HGSNAT: variants seen among roughly 807,000 people sequenced by gnomAD.
HGSNAT encodes transmembrane protein 76.
In HGSNAT, 59 loss-of-function variants were observed where a neutral mutation model predicts 85.2. The observed-to-expected ratio is 0.69, with a 90% confidence interval of 0.56 to 0.86. The LOEUF is 0.86. HGSNAT is among the 40% of genes least tolerant of loss of function. HGSNAT has a pLI of 0.00. For synonymous variants in HGSNAT, 321 were observed against 304.5 expected (o/e 1.05, Z -0.56); for missense variants, 756 against 777.1 (o/e 0.97, Z 0.32).
intron 8 of HGSNAT, among the ~76,000 whole-genome samples, chr8:43,173,224 A>G (rs1226384272): frequency 6.6e-6 from 1 of 152,122 alleles, no homozygotes; most frequent in Non-Finnish European, 1.5e-5. Flanking sequence ...TCCTGGGCTC[A>G]AGCGATCCTC....
chr8:43,187,351 G>T (rs978981766), intron 11 of HGSNAT, among the ~76,000 whole-genome samples: 15 of 152,192 alleles, frequency 9.9e-5, no homozygotes, highest in African/African-American at 3.6e-4. Flanking sequence ...ATATATTTAG[G>T]ATAGTTAGCT....
At chr8:43,189,720 G>A (rs759786678) in intron 11 of HGSNAT, among the ~76,000 whole-genome samples, 1 of 152,168 alleles carries the variant, frequency 6.6e-6, no homozygotes. Context: ...TACTGGAGCT[G>A]TTCCTATTCG....
At position 43,173,733 on chromosome 8, in the gene HGSNAT, G is replaced by C. The variant is rs1287447019; in HGVS notation, c.841G>C (p.Val281Leu). The change falls in exon 9 of 18, where the codon GTG becomes CTG. Residue 281 changes from valine (V) to leucine (L), a missense_variant. Physicochemically the swap from Val to Leu is conservative, Grantham distance 32 (BLOSUM62 1). Coordinates refer to ENST00000379644, the MANE Select transcript of HGSNAT (RefSeq NM_152419.3). ...TGCAGGGCTGACAGTGGCTGACCTC[G>C]TGTTCCCGTGGTGAGTTGCCGGTCT... Reference protein sequence around the residue: ...SWNGLTVADLVFPWFVFIMGS... With the variant: ...SWNGLTVADLLFPWFVFIMGS... The C allele has an allele frequency of 6.2e-7, 1 of 1,612,796 alleles. No individual in the cohort carries two copies. Among genetic ancestry groups the C allele is most frequent in the Non-Finnish European group, 8.5e-7 (1 of 1,179,396 alleles).
chr8:43,147,079 C>T lies in HGSNAT; in HGVS notation c.234+16C>T, dbSNP rs761472873. 3.5e-6 allele frequency: 5 copies of T among 1,444,546 alleles called. No homozygotes were observed. In the East Asian group the frequency reaches 9.1e-5, roughly 26 times the overall value. The allele number at this position is 1,444,546 out of a possible 1,614,324, so 89.5% of individuals were successfully genotyped here. ...CTGTTATCACGTATGTATCAGTTCACACTCAGTTCTGTTTGCTTTGGGGCT... is the reference window on the plus strand; with the variant it reads ...CTGTTATCACGTATGTATCAGTTCATACTCAGTTCTGTTTGCTTTGGGGCT... On this transcript the variant is annotated intron_variant, in intron 2 of 17. Coordinates refer to ENST00000379644, the MANE Select transcript of HGSNAT (RefSeq NM_152419.3).
At chr8:43,191,378 A>G in intron 11 of HGSNAT, 96 bp from the exon 12 acceptor site, 1 of 1,483,078 alleles carries the variant, frequency 6.7e-7, no homozygotes, top group Non-Finnish European at 9.2e-7. Flanking sequence ...AAAAAGGCCA[A>G]GAAATGAGTC....
chr8:43,171,577 C>T (rs1346664887), intron 7 of HGSNAT, among the ~76,000 whole-genome samples: 1 of 152,164 alleles, frequency 6.6e-6, no homozygotes, highest in Non-Finnish European at 1.5e-5. Context: ...ATGGCAGGCA[C>T]TTGGGTTACA....
Position 43,159,188 on chromosome 8 carries a change from C to A in HGSNAT, c.493+144C>A, listed in dbSNP as rs1563361826. The A allele has an allele frequency of 9.8e-6, 6 of 615,080 alleles. No homozygotes were observed. The East Asian group carries it at 1.8e-4, about 18-fold the overall frequency. The allele number at this position is 615,080 out of a possible 1,614,324, so 38.1% of individuals were successfully genotyped here. A position where few individuals can be genotyped will look rare whatever the true frequency, so the allele number is the denominator to read the frequency against. ...AGGTCATTGATGAGCACCACTCCCC[C>A]CAAAAAATCCACATAAATTATAGGT... On this transcript the variant is annotated intron_variant, in intron 4 of 17. Coordinates refer to ENST00000379644, the MANE Select transcript of HGSNAT (RefSeq NM_152419.3).
chr8:43,140,688 C>G lies in HGSNAT; in HGVS notation c.118+74C>G, dbSNP rs1802490840. The G allele has an allele frequency of 1.7e-5, 12 of 716,996 alleles. No individual in the cohort carries two copies. The South Asian group carries it at 4.1e-4, about 25-fold the overall frequency. 44.4% of individuals were successfully genotyped at this position (716,996 alleles called of 1,614,324 possible). On this transcript the variant is annotated intron_variant, in intron 1 of 17. Transcript: ENST00000379644. ...CTCCTCTCCGCGGCGCCGCCCCTAT[C>G]TCCGTGCGCGGCGCCGAGCGCTAGG...
At chr8:43,174,418 T>C (rs1048522880) in intron 9 of HGSNAT, among the ~76,000 whole-genome samples, 11 of 152,136 alleles carry the variant, frequency 7.2e-5, no homozygotes, top group Non-Finnish European at 8.8e-5. Context: ...CTAATAAATA[T>C]GTAGGTGGGC....
At chr8:43,179,542 C>G (rs1449047763) in intron 10 of HGSNAT, among the ~76,000 whole-genome samples, 1 of 110,502 alleles carries the variant, frequency 9.0e-6, no homozygotes, top group East Asian at 2.8e-4. Flanking sequence ...CGACCCCCCC[C>G]ACCGCCTCCC....
At chr8:43,165,762 C>A (rs1382951719) in intron 5 of HGSNAT, among the ~76,000 whole-genome samples, 1 of 151,972 alleles carries the variant, frequency 6.6e-6, no homozygotes, top group African/African-American at 2.4e-5. Flanking sequence ...CATGGCAAAA[C>A]CCCATCTCTA....
At chr8:43,182,340 G>A in intron 11 of HGSNAT, 80 bp downstream of exon 11, 1 of 1,156,760 alleles carries the variant, frequency 8.6e-7, no homozygotes, top group Non-Finnish European at 1.3e-6. Flanking sequence ...GTCTCACTAT[G>A]TTGTCCAGAC....
chr8:43,151,551 ACTCATC>A (rs1802919568), intron 2 of HGSNAT, among the ~76,000 whole-genome samples: 1 of 152,250 alleles, frequency 6.6e-6, no homozygotes, highest in Non-Finnish European at 1.5e-5. Flanking sequence ...TTCACAAAAC[ACTCATC>A]ATATGTTAAG....
rs1482984274 is a variant in HGSNAT, at chr8:43,202,635, A to G, written c.*3066A>G. Reference sequence around the variant, plus strand: ...TTTTGCATTTATATTCCTAATTCCTACTTAAAGTGAATATACTGCCGCTGT... The same window carrying G: ...TTTTGCATTTATATTCCTAATTCCTGCTTAAAGTGAATATACTGCCGCTGT... On this transcript the variant is annotated 3_prime_UTR_variant, in exon 18 of 18. Transcript: ENST00000379644. 6.6e-6 allele frequency: 1 copy of G among 152,190 alleles called. No individual in the cohort carries two copies. Among genetic ancestry groups the G allele is most frequent in the Non-Finnish European group, 1.5e-5 (1 of 68,038 alleles). The allele number at this position is 152,190 out of a possible 1,614,324, so 9.4% of individuals were successfully genotyped here.
At chr8:43,168,423 G>T (rs1192041948) in intron 5 of HGSNAT, among the ~76,000 whole-genome samples, 2 of 106,856 alleles carry the variant, frequency 1.9e-5, no homozygotes, top group African/African-American at 7.4e-5. Flanking sequence ...ATGGAGTCTC[G>T]CTCTGTTGCC....
In HGSNAT at chr8:43,140,592, T is replaced by C; in HGVS notation, c.96T>C (p.Asp32=). Residue 32 remains aspartate, a synonymous_variant, in exon 1 of 18, where the codon GAT becomes GAC. Transcript: ENST00000379644. ...CCCCCGGCGGCTCTTCGGGGCGCGATGCCCAGGCCGCGCCGCCACGAGGTG... is the reference window on the plus strand; with the variant it reads ...CCCCCGGCGGCTCTTCGGGGCGCGACGCCCAGGCCGCGCCGCCACGAGGTG... ...LLAPGGSSGR[D]AQAAPPRDLD... is the part of the protein sequence containing the mutation. The C allele has an allele frequency of 8.1e-7, 1 of 1,235,290 alleles. No individual in the cohort carries two copies. The highest frequency in any genetic ancestry group is 1.0e-6 in the Non-Finnish European group (1 of 981,286). 76.5% of individuals were successfully genotyped at this position (1,235,290 alleles called of 1,614,324 possible).
intron 2 of HGSNAT, among the ~76,000 whole-genome samples, chr8:43,148,750 A>G (rs4387019): frequency 0.88 from 131,092 of 149,808 alleles, 58,199 homozygotes; most frequent in Non-Finnish European, 0.96. Flanking sequence ...CCGAGATCGC[A>G]CCATTGCACT....
chr8:43,152,023 TC>T (rs2130696281), intron 2 of HGSNAT, among the ~76,000 whole-genome samples: 1 of 152,320 alleles, frequency 6.6e-6, no homozygotes, highest in South Asian at 2.1e-4. Context: ...ATGCAGTGGT[TC>T]ATACGTCTAA....
chr8:43,197,135 C>A, intron 15 of HGSNAT, 110 bp downstream of exon 15: 1 of 717,992 alleles, frequency 1.4e-6, no homozygotes. Flanking sequence ...CACATGGCAG[C>A]AGGTACCATT....
Sources: allele counts gnomAD v4.1 joint callset (sites outside exome capture counted in the v4.1 genomes callset), GRCh38; gene constraint gnomAD v4.1.1; transcripts MANE v1.5; gene names NCBI Gene and HGNC (gene_info 2026-07-23, HGNC 2026-07-21).